Variants in SLC44A5 observed in about 807,000 individuals in gnomAD.
The protein encoded by SLC44A5 is solute carrier family 44 member 5, also known as choline transporter-like protein 5.
In SLC44A5, 57 loss-of-function variants were observed where a neutral mutation model predicts 101.8. The observed-to-expected ratio is 0.56, with a 90% confidence interval of 0.45 to 0.70. The LOEUF (loss-of-function observed/expected upper bound fraction) is 0.70, where lower values mean the gene tolerates loss of function less well. Ranked by LOEUF, SLC44A5 falls within the 30% of genes least tolerant of loss-of-function variation. The probability of loss-of-function intolerance (pLI) is 0.00; values close to 1 mark genes in which losing one functional copy is unlikely to be tolerated. For missense variants in SLC44A5, 737 were observed against 853.1 expected, an observed-to-expected ratio of 0.86 and a Z score of 1.70; for synonymous variants, 281 against 290.9, an observed-to-expected ratio of 0.97 and a Z score of 0.35.
intron 3 of SLC44A5, among the ~76,000 whole-genome samples, chr1:75,349,938 G>C (rs1206706423): frequency 1.3e-5 from 2 of 152,006 alleles, no homozygotes; most frequent in African/African-American, 4.8e-5. Context: ...AAGAAATTTG[G>C]TCCATCTATA....
intron 2 of SLC44A5, among the ~76,000 whole-genome samples, chr1:75,435,217 G>T (rs938714164): frequency 6.6e-6 from 1 of 152,038 alleles, no homozygotes; most frequent in Non-Finnish European, 1.5e-5. Context: ...ATCCCCAAAA[G>T]CACTCTTTGT....
At chr1:75,432,494 A>T (rs1291796329) in intron 2 of SLC44A5, among the ~76,000 whole-genome samples, 1 of 152,184 alleles carries the variant, frequency 6.6e-6, no homozygotes, top group African/African-American at 2.4e-5. Flanking sequence ...TATTATGTGT[A>T]TCATTATACA....
chr1:75,242,692 C>T (rs997432432), intron 8 of SLC44A5, among the ~76,000 whole-genome samples, 194 bp downstream of exon 8: 1 of 152,038 alleles, frequency 6.6e-6, no homozygotes, highest in Non-Finnish European at 1.5e-5. Flanking sequence ...CATGACACCC[C>T]AAATCTACAA....
At chr1:75,653,525 T>A in the SLC44A5 span, among the ~76,000 whole-genome samples, 1 of 152,096 alleles carries the variant, frequency 6.6e-6, no homozygotes, top group African/African-American at 2.4e-5. Context: ...ATCCAACATC[T>A]GAAGGGAATC....
chr1:75,686,751 G>A, the SLC44A5 span, among the ~76,000 whole-genome samples: 1 of 152,214 alleles, frequency 6.6e-6, no homozygotes, highest in Non-Finnish European at 1.5e-5. Context: ...ATCCCTACAA[G>A]GGAAGAGATG....
chr1:75,511,276 AG>A (rs1422038934), intron 2 of SLC44A5, among the ~76,000 whole-genome samples: 2 of 152,230 alleles, frequency 1.3e-5, no homozygotes, highest in African/African-American at 2.4e-5. Flanking sequence ...AAATATAGTT[AG>A]ATTTGTTATT....
chr1:75,339,846 G>A (rs1657737613), intron 3 of SLC44A5, among the ~76,000 whole-genome samples: 1 of 152,090 alleles, frequency 6.6e-6, no homozygotes. Flanking sequence ...AGTGGTTAAG[G>A]AACATATTCC....
At chr1:75,308,979 G>A (rs553083765) in intron 4 of SLC44A5, among the ~76,000 whole-genome samples, 14 of 152,090 alleles carry the variant, frequency 9.2e-5, no homozygotes, top group African/African-American at 1.2e-4. Flanking sequence ...ATGATGATAG[G>A]GGACTTAGAA....
chr1:75,472,822 C>T (rs1324810009), intron 2 of SLC44A5, among the ~76,000 whole-genome samples: 1 of 152,164 alleles, frequency 6.6e-6, no homozygotes, highest in African/African-American at 2.4e-5. Context: ...CCTCATTTCA[C>T]AAGTCCTATA....
intron 2 of SLC44A5, chr1:75,402,633 C>T (rs1392542284): frequency 1.3e-5 from 2 of 157,060 alleles, no homozygotes; most frequent in Non-Finnish European, 2.8e-5. Flanking sequence ...GGGACTGTCC[C>T]AAGAGGAACG....
Position 75,202,858 on chromosome 1 carries a change from G to GT in SLC44A5, c.*868dup, listed in dbSNP as rs1372146161. On this transcript the variant is annotated 3_prime_UTR_variant, in exon 24 of 24. Coordinates refer to ENST00000370859, the MANE Select transcript of SLC44A5 (RefSeq NM_001130058.2). The stretch of plus-strand genomic sequence containing the variant: ...ATTTCATTTTAAAACTTCTCTTTTA[G>GT]TAAAAAAAAAAACAAAGAAATCCAA... 1.4e-5 allele frequency: 2 copies of GT among 147,368 alleles called. No homozygotes were observed. Among genetic ancestry groups the GT allele is most frequent in the East Asian group, 3.9e-4 (2 of 5,144 alleles). The allele number at this position is 147,368 out of a possible 1,614,324, so 9.1% of individuals were successfully genotyped here.
intron 13 of SLC44A5, among the ~76,000 whole-genome samples, chr1:75,222,720 A>G (rs559607508): frequency 6.6e-6 from 1 of 152,332 alleles, no homozygotes; most frequent in Non-Finnish European, 1.5e-5. Context: ...AGCATTTCAC[A>G]CAACTTGTAG....
chr1:75,267,543 T>C (rs554864291), intron 6 of SLC44A5, among the ~76,000 whole-genome samples: 2 of 152,052 alleles, frequency 1.3e-5, no homozygotes, highest in African/African-American at 2.4e-5. Context: ...CCATTATATT[T>C]ATTTTTATTT....
At chr1:75,559,821 G>C (rs757251082) in intron 1 of SLC44A5, among the ~76,000 whole-genome samples, 1 of 152,024 alleles carries the variant, frequency 6.6e-6, no homozygotes, top group Non-Finnish European at 1.5e-5. Flanking sequence ...AATATATAAA[G>C]AAGTTTATAA....
rs572877814 is a variant in SLC44A5, at chr1:75,224,188, T to G, written c.986-1728A>C. Among the ~76,000 whole-genome samples, 11 of 152,312 alleles carry G rather than the reference T, an allele frequency of 7.2e-5. No homozygotes were observed. In the South Asian group the frequency reaches 2.3e-3, roughly 32 times the overall value. On this transcript the variant is annotated intron_variant, in intron 13 of 23. Coordinates refer to ENST00000370859, the MANE Select transcript of SLC44A5 (RefSeq NM_001130058.2). ...GTGGCATGGTAGTGCAATGCATTACTCATGTGTTTGGAGGGATGTTGGTGT... is the reference window on the plus strand; with the variant it reads ...GTGGCATGGTAGTGCAATGCATTACGCATGTGTTTGGAGGGATGTTGGTGT...
chr1:75,646,653 T>A, the SLC44A5 span, among the ~76,000 whole-genome samples: 4 of 151,962 alleles, frequency 2.6e-5, no homozygotes, highest in African/African-American at 4.8e-5. Context: ...AGTGAGAGAG[T>A]TCTCACGAGA....
intron 2 of SLC44A5, among the ~76,000 whole-genome samples, chr1:75,432,754 C>T (rs995852471): frequency 6.6e-6 from 1 of 151,844 alleles, no homozygotes; most frequent in Admixed American, 6.6e-5. Context: ...TCTCTGTTCA[C>T]CTGAAAAAAA....
intron 2 of SLC44A5, among the ~76,000 whole-genome samples, chr1:75,469,797 A>G: frequency 6.6e-6 from 1 of 151,156 alleles, no homozygotes; most frequent in Non-Finnish European, 1.5e-5. Flanking sequence ...CTACTCAGGA[A>G]GCTGAGGTGG....
At chr1:75,333,400 A>G (rs1409147165) in intron 4 of SLC44A5, among the ~76,000 whole-genome samples, 1 of 151,376 alleles carries the variant, frequency 6.6e-6, no homozygotes. Flanking sequence ...GTTAACACTC[A>G]TCTTTAATAT....
Sources: gnomAD v4.1 joint callset for allele counts (sites outside exome capture counted in the v4.1 genomes callset) on GRCh38, gnomAD v4.1.1 for gene constraint, MANE v1.5 for transcripts, NCBI Gene and HGNC (gene_info 2026-07-23, HGNC 2026-07-21) for gene names.